CD247: variants seen among roughly 807,000 people sequenced by gnomAD.
CD247 encodes T-cell surface glycoprotein CD3 zeta chain.
CD247 carries 13 observed loss-of-function variants against 30.0 expected under a neutral mutation model. The ratio of observed to expected loss-of-function variants is 0.43; its 90% CI spans 0.28 to 0.69. The LOEUF is 0.69. Among genes scored for constraint, CD247 ranks in the 30% least tolerant of loss-of-function variants. The pLI is 0.16. For synonymous variants in CD247, 72 were observed against 80.0 expected, an observed-to-expected ratio of 0.90 and a Z score of 0.53; for missense variants, 193 against 212.6, an observed-to-expected ratio of 0.91 and a Z score of 0.57.
chr1:167,461,518 A>G (rs1361422764), intron 1 of CD247, among the ~76,000 whole-genome samples: 1 of 152,216 alleles, frequency 6.6e-6, no homozygotes. Context: ...TTATTTTCCA[A>G]GTTCCATAGT....
intron 1 of CD247, among the ~76,000 whole-genome samples, chr1:167,470,847 T>C (rs1329695276): frequency 6.6e-6 from 1 of 151,726 alleles, no homozygotes; most frequent in Non-Finnish European, 1.5e-5. Context: ...ACAAATATTT[T>C]ATTCCACTGA....
At chr1:167,463,079 G>T (rs761351854) in intron 1 of CD247, among the ~76,000 whole-genome samples, 10 of 152,176 alleles carry the variant, frequency 6.6e-5, no homozygotes, top group Non-Finnish European at 1.5e-4. Context: ...ATGGGCAGTC[G>T]CCGGGCCATC....
rs545078994 is a variant in CD247 at position 167,442,106 on chromosome 1, G to A, written c.59-1339C>T. On this transcript the variant is annotated intron_variant, in intron 1 of 7. Transcript: ENST00000362089. The stretch of plus-strand genomic sequence containing the variant: ...AGCCTGGCACACAGAGTGAGGCTCC[G>A]TCTCAAAAAAAAATTTAAAAAGTTA... Among the ~76,000 whole-genome samples the A allele has an allele frequency of 1.5e-4, 23 of 152,198 alleles. No individual in the cohort carries two copies. In the South Asian group the frequency reaches 2.9e-3, roughly 19 times the overall value.
At chr1:167,516,870 T>G (rs1571610280) in intron 1 of CD247, among the ~76,000 whole-genome samples, 1 of 152,122 alleles carries the variant, frequency 6.6e-6, no homozygotes, top group Non-Finnish European at 1.5e-5. Flanking sequence ...CAACAATCTT[T>G]CATTTTTCTT....
At chr1:167,482,945 ATCTG>A (rs2102066199) in intron 1 of CD247, among the ~76,000 whole-genome samples, 1 of 150,846 alleles carries the variant, frequency 6.6e-6, no homozygotes, top group Admixed American at 6.7e-5. Context: ...GAGGTGCCTA[ATCTG>A]ATCCAGTAAC....
chr1:167,505,546 C>T (rs990095441), intron 1 of CD247, among the ~76,000 whole-genome samples: 7 of 152,258 alleles, frequency 4.6e-5, no homozygotes, highest in Non-Finnish European at 1.0e-4. Flanking sequence ...AGCATGAGTG[C>T]AGCTCATGTG....
intron 1 of CD247, among the ~76,000 whole-genome samples, chr1:167,469,584 C>T (rs569407282): frequency 5.9e-5 from 9 of 152,212 alleles, no homozygotes; most frequent in East Asian, 1.9e-4. Context: ...GTTTTCCAAG[C>T]GATTTTATTT....
At chr1:167,469,915 T>C (rs1263332561) in intron 1 of CD247, among the ~76,000 whole-genome samples, 2 of 152,116 alleles carry the variant, frequency 1.3e-5, no homozygotes, top group African/African-American at 4.8e-5. Context: ...TTATTTTATT[T>C]TATTTTATTT....
intron 1 of CD247, among the ~76,000 whole-genome samples, chr1:167,503,299 T>C (rs1000303688): frequency 1.3e-5 from 2 of 152,156 alleles, no homozygotes; most frequent in African/African-American, 4.8e-5. Flanking sequence ...TCCTACCCAT[T>C]CATATCCTAC....
rs61806164 is a variant in CD247, at chr1:167,503,183, G to T, written c.58+15225C>A. ...TGGCAGCTTGCGTCTGCTCCTGCCG[G>T]TATTCAAAATGAACCGACTTTAGGA... On this transcript the variant is annotated intron_variant, in intron 1 of 7. Coordinates refer to ENST00000362089, the MANE Select transcript of CD247 (RefSeq NM_198053.3). 8.3e-3 allele frequency among the ~76,000 whole-genome samples: 1,260 copies of T among 152,244 alleles called. 7 individuals are homozygous for T. Among genetic ancestry groups the T allele is most frequent in the Non-Finnish European group, 0.012 (808 of 68,014 alleles).
At chr1:167,440,819 TC>T (rs753933062) in intron 1 of CD247, 52 bp from the exon 2 acceptor site, 1 of 1,151,332 alleles carries the variant, frequency 8.7e-7, no homozygotes, top group South Asian at 1.3e-5. Flanking sequence ...CGAGAACACA[TC>T]CCCATTACCC....
intron 1 of CD247, among the ~76,000 whole-genome samples, chr1:167,499,920 T>C (rs1209164318): frequency 1.3e-5 from 2 of 152,190 alleles, no homozygotes; most frequent in Non-Finnish European, 2.9e-5. Context: ...GTAATTTACA[T>C]AAAAGCACTG....
intron 1 of CD247, among the ~76,000 whole-genome samples, chr1:167,492,420 T>C (rs1558024603): frequency 6.6e-6 from 1 of 152,148 alleles, no homozygotes. Flanking sequence ...TTTTTGTTAG[T>C]CCAATATTTT....
chr1:167,508,086 C>T (rs1051687740), intron 1 of CD247, among the ~76,000 whole-genome samples: 1 of 152,156 alleles, frequency 6.6e-6, no homozygotes, highest in Non-Finnish European at 1.5e-5. Context: ...CAAAATCTTA[C>T]CCTCCGTGTC....
intron 4 of CD247, among the ~76,000 whole-genome samples, chr1:167,437,452 G>A (rs912643375): frequency 1.3e-5 from 2 of 151,734 alleles, no homozygotes; most frequent in African/African-American, 4.8e-5. Flanking sequence ...ACCAAGTTAT[G>A]GAATCAACCT....
intron 1 of CD247, among the ~76,000 whole-genome samples, chr1:167,465,327 CTTTTTTTTTTT>C (rs765176193): frequency 8.7e-6 from 1 of 115,344 alleles, no homozygotes; most frequent in African/African-American, 3.3e-5. Context: ...TTTTCTTTTT[CTTTTTTTTTTT>C]TTTTTTTGAG....
intron 1 of CD247, among the ~76,000 whole-genome samples, chr1:167,466,642 T>C (rs190825749): frequency 3.0e-4 from 46 of 152,304 alleles, no homozygotes; most frequent in Admixed American, 2.7e-3. Context: ...GCAAATGTAT[T>C]TTCATATGCA....
At chr1:167,435,368 C>T in intron 5 of CD247, 31 bp downstream of exon 5, 1 of 1,581,870 alleles carries the variant, frequency 6.3e-7, no homozygotes. Context: ...TCCAACTTTC[C>T]AAGGTCAAAT....
chr1:167,515,094 T>C (rs576298873), intron 1 of CD247, among the ~76,000 whole-genome samples: 117 of 152,214 alleles, frequency 7.7e-4, no homozygotes, highest in Non-Finnish European at 2.1e-4. Flanking sequence ...AACGCTAAAA[T>C]TGAAAAATGA....
Sources: gnomAD v4.1 joint callset for allele counts (sites outside exome capture counted in the v4.1 genomes callset) on GRCh38, gnomAD v4.1.1 for gene constraint, MANE v1.5 for transcripts, NCBI Gene and HGNC (gene_info 2026-07-23, HGNC 2026-07-21) for gene names.